The following SPATA13 variants were observed in gnomAD, a reference collection of about 807,000 sequenced individuals.
SPATA13 encodes spermatogenesis associated 13.
A neutral mutation model predicts 104.0 loss-of-function variants in SPATA13; 50 were observed. The ratio of observed to expected loss-of-function variants is 0.48; its 90% CI spans 0.38 to 0.61. The LOEUF (loss-of-function observed/expected upper bound fraction) is 0.61. Ranked by LOEUF, SPATA13 falls within the 20% of genes least tolerant of loss-of-function variation. The probability of loss-of-function intolerance (pLI) is 0.00; values close to 1 mark genes in which losing one functional copy is unlikely to be tolerated. For synonymous variants in SPATA13, 606 were observed against 667.5 expected, an observed-to-expected ratio of 0.91 and a Z score of 1.42; for missense variants, 1,524 against 1,690.6, an observed-to-expected ratio of 0.90 and a Z score of 1.73.
At chr13:24,068,936 T>C (rs1879064530) in intron 3 of SPATA13, among the ~76,000 whole-genome samples, 1 of 152,194 alleles carries the variant, frequency 6.6e-6, no homozygotes, top group Admixed American at 6.5e-5. Flanking sequence ...TATTTGTGAA[T>C]ATTTTCTCCC....
At chr13:24,040,197 A>T (rs1877864914) in intron 3 of SPATA13, among the ~76,000 whole-genome samples, 1 of 152,206 alleles carries the variant, frequency 6.6e-6, no homozygotes. Context: ...AAAACCAGAG[A>T]GAGCGTTAAG....
chr13:24,012,672 T>C (rs1356073044), intron 2 of SPATA13, among the ~76,000 whole-genome samples: 4 of 152,230 alleles, frequency 2.6e-5, no homozygotes, highest in Non-Finnish European at 5.9e-5. Context: ...CCCCCAAGTG[T>C]GTGGTGGGCG....
chr13:24,287,729 A>C (rs1176316479), intron 7 of SPATA13, among the ~76,000 whole-genome samples: 1 of 152,160 alleles, frequency 6.6e-6, no homozygotes, highest in Non-Finnish European at 1.5e-5. Flanking sequence ...CTTGGCAACA[A>C]ATTTTATTTT....
intron 10 of SPATA13, among the ~76,000 whole-genome samples, chr13:24,295,125 G>T (rs570061634): frequency 1.3e-5 from 2 of 151,944 alleles, no homozygotes; most frequent in Non-Finnish European, 2.9e-5. Context: ...CTCTCTCCTC[G>T]TAGAGGGAGT....
At chr13:24,080,740 A>G (rs1487536898) in intron 3 of SPATA13, among the ~76,000 whole-genome samples, 3 of 152,178 alleles carry the variant, frequency 2.0e-5, no homozygotes, top group African/African-American at 4.8e-5. Flanking sequence ...GCACAGACTC[A>G]TCTTCTGTGC....
intron 3 of SPATA13, among the ~76,000 whole-genome samples, chr13:24,083,867 C>T (rs541898319): frequency 2.6e-5 from 4 of 152,170 alleles, no homozygotes; most frequent in Non-Finnish European, 4.4e-5. Context: ...GGGGAAAAAA[C>T]CCCCGTCTGG....
chr13:24,072,948 G>T (rs772316534), intron 3 of SPATA13, among the ~76,000 whole-genome samples: 1 of 150,216 alleles, frequency 6.7e-6, no homozygotes, highest in Non-Finnish European at 1.5e-5. Context: ...AGGTAAACTC[G>T]CAAACTCTAT....
chr13:24,079,496 T>C (rs1057040204), intron 3 of SPATA13, among the ~76,000 whole-genome samples: 2 of 152,180 alleles, frequency 1.3e-5, no homozygotes, highest in Non-Finnish European at 2.9e-5. Flanking sequence ...CTTTCCCTGC[T>C]ACCTGGTTGC....
intron 3 of SPATA13, among the ~76,000 whole-genome samples, chr13:24,083,686 G>A (rs1034698941): frequency 6.6e-6 from 1 of 152,216 alleles, no homozygotes; most frequent in African/African-American, 2.4e-5. Context: ...TTTGCCCTGA[G>A]AGGATTGCTT....
intron 11 of SPATA13, among the ~76,000 whole-genome samples, chr13:24,299,430 G>A (rs1029136951): frequency 1.4e-4 from 22 of 152,162 alleles, no homozygotes; most frequent in African/African-American, 4.8e-4. Context: ...GGCAGCCCTC[G>A]TACTTGATGC....
intron 3 of SPATA13, among the ~76,000 whole-genome samples, chr13:24,050,787 G>A (rs1878311658): frequency 6.6e-6 from 1 of 152,174 alleles, no homozygotes; most frequent in Non-Finnish European, 1.5e-5. Context: ...GGACTTTATG[G>A]CCAAGGTGCC....
chr13:24,207,402 T>A (rs566926975), intron 1 of SPATA13, among the ~76,000 whole-genome samples: 14 of 152,214 alleles, frequency 9.2e-5, no homozygotes, highest in Middle Eastern at 3.4e-3. Flanking sequence ...GAAAATAAAA[T>A]CTGTTCCAGT....
chr13:24,032,181 A>G (rs1190856997), intron 3 of SPATA13, among the ~76,000 whole-genome samples: 1 of 152,008 alleles, frequency 6.6e-6, no homozygotes, highest in Non-Finnish European at 1.5e-5. Context: ...TTCAGCTACA[A>G]CCCCACCTCA....
chr13:24,006,674 T>C (rs1330484904), intron 2 of SPATA13, among the ~76,000 whole-genome samples: 1 of 152,194 alleles, frequency 6.6e-6, no homozygotes. Context: ...TGCACGGCTA[T>C]GGTCCCATTT....
At chr13:24,300,118 G>A (rs972028481) in intron 11 of SPATA13, among the ~76,000 whole-genome samples, 15 of 152,148 alleles carry the variant, frequency 9.9e-5, no homozygotes, top group Admixed American at 2.0e-4. Context: ...TATTTGCCCG[G>A]GAGCGTCGGG....
At chr13:24,018,328 G>A (rs1303116767) in intron 3 of SPATA13, among the ~76,000 whole-genome samples, 2 of 152,172 alleles carry the variant, frequency 1.3e-5, no homozygotes, top group Non-Finnish European at 2.9e-5. Context: ...AAATAGAAAT[G>A]TTGCAAAAGA....
At chr13:24,048,952 T>C (rs185223851) in intron 3 of SPATA13, among the ~76,000 whole-genome samples, 90 of 151,656 alleles carry the variant, frequency 5.9e-4, no homozygotes, top group African/African-American at 2.0e-3. Context: ...AAGAAAAAAA[T>C]GACAAAACAA....
intron 1 of SPATA13, among the ~76,000 whole-genome samples, chr13:24,198,185 G>T (rs769073949): frequency 6.6e-6 from 1 of 152,060 alleles, no homozygotes; most frequent in East Asian, 1.9e-4. Flanking sequence ...AGTAGAGACG[G>T]GGTTTCACTG....
intron 2 of SPATA13, among the ~76,000 whole-genome samples, chr13:24,241,620 G>A (rs1004413634): frequency 6.6e-6 from 1 of 152,252 alleles, no homozygotes; most frequent in Admixed American, 6.5e-5. Flanking sequence ...GAGCCAGGGA[G>A]TGGAGGACCA....
Sources: allele counts gnomAD v4.1 joint callset (sites outside exome capture counted in the v4.1 genomes callset), GRCh38; gene constraint gnomAD v4.1.1; transcripts MANE v1.5; gene names NCBI Gene and HGNC (gene_info 2026-07-23, HGNC 2026-07-21).